Variants in CCDC91 observed in about 807,000 individuals in gnomAD.
CCDC91 encodes the protein coiled-coil domain containing 91, also known as coiled-coil domain-containing protein 91.
Under a neutral mutation model 63.2 loss-of-function variants are expected in CCDC91, and 48 were observed. That is an observed-to-expected ratio of 0.76 (90% confidence interval 0.60 to 0.97). CCDC91 has a LOEUF of 0.97. Ranked by LOEUF, CCDC91 falls within the 50% of genes least tolerant of loss-of-function variation. The pLI is 0.00. For synonymous variants in CCDC91, 167 were observed against 165.8 expected (o/e 1.01, Z -0.06); for missense variants, 500 against 494.6 (o/e 1.01, Z -0.10).
At chr12:28,306,981 C>A (rs1279941882) in intron 5 of CCDC91, 36 bp downstream of exon 5, 2 of 1,310,876 alleles carry the variant, frequency 1.5e-6, no homozygotes, top group Non-Finnish European at 2.2e-6. Context: ...GTTTGAATTG[C>A]AAATATTAGA....
At chr12:28,338,021 G>A (rs1343714300) in intron 6 of CCDC91, among the ~76,000 whole-genome samples, 1 of 152,120 alleles carries the variant, frequency 6.6e-6, no homozygotes, top group African/African-American at 2.4e-5. Flanking sequence ...CTGAACCCAA[G>A]AGACAGAAGT....
At chr12:28,434,604 T>TG (rs1257704962) in intron 8 of CCDC91, among the ~76,000 whole-genome samples, 2 of 131,484 alleles carry the variant, frequency 1.5e-5, no homozygotes, top group African/African-American at 2.6e-5. Flanking sequence ...GTTTTTTTTT[T>TG]TTTTTTTTTT....
At chr12:28,296,133 T>A (rs1446064013) in intron 3 of CCDC91, among the ~76,000 whole-genome samples, 1 of 151,650 alleles carries the variant, frequency 6.6e-6, no homozygotes, top group East Asian at 1.9e-4. Context: ...GAAATTTTTT[T>A]AAATTTTATT....
At chr12:28,445,757 T>G (rs1324619377) in intron 8 of CCDC91, among the ~76,000 whole-genome samples, 1 of 152,184 alleles carries the variant, frequency 6.6e-6, no homozygotes, top group Non-Finnish European at 1.5e-5. Context: ...GTAGGCCTCT[T>G]CTTTTGGCTT....
At chr12:28,241,026 A>G (rs1318062073) in intron 1 of CCDC91, among the ~76,000 whole-genome samples, 4 of 152,170 alleles carry the variant, frequency 2.6e-5, no homozygotes, top group Non-Finnish European at 5.9e-5. Flanking sequence ...TGAAAGAGCC[A>G]CTTTCTCCAC....
intron 6 of CCDC91, 141 bp from the exon 7 acceptor site, chr12:28,362,297 T>TATATATATATATATATATATA (rs1241655538): frequency 4.7e-5 from 23 of 491,374 alleles, no homozygotes; most frequent in Admixed American, 1.1e-4. Context: ...TATATATATG[T>TATATATATATATATATATATA]TTTCTCTTTG....
At chr12:28,436,799 A>G (rs933465702) in intron 8 of CCDC91, among the ~76,000 whole-genome samples, 1 of 151,966 alleles carries the variant, frequency 6.6e-6, no homozygotes, top group Non-Finnish European at 1.5e-5. Context: ...TCAGCATAGA[A>G]ATCTAACATG....
At position 28,504,460 on chromosome 12, in the gene CCDC91, A is replaced by C. The variant is rs535817480; in HGVS notation, c.1215+20295A>C. Among the ~76,000 whole-genome samples the C allele has an allele frequency of 2.0e-5, 3 of 152,100 alleles. No homozygotes were observed. The East Asian group carries it at 5.8e-4, about 30-fold the overall frequency. On this transcript the variant is annotated intron_variant, in intron 12 of 12. Transcript: ENST00000536442. The stretch of plus-strand genomic sequence containing the variant: ...AATGGATCAGAGAACACTTCCCAGC[A>C]TAGTAATTTCTAAGCTAAAATTTTA...
chr12:28,528,431 C>T (rs1009996678), intron 12 of CCDC91, among the ~76,000 whole-genome samples: 6 of 152,178 alleles, frequency 3.9e-5, no homozygotes, highest in Admixed American at 6.6e-5. Context: ...CTGGGGCAGA[C>T]GATCTCCCTT....
At chr12:28,400,209 T>G (rs1241209169) in intron 8 of CCDC91, among the ~76,000 whole-genome samples, 3 of 152,134 alleles carry the variant, frequency 2.0e-5, no homozygotes, top group Non-Finnish European at 4.4e-5. Flanking sequence ...ACCTGCATGC[T>G]CAATACCACA....
At chr12:28,400,093 G>T (rs1361668293) in intron 8 of CCDC91, among the ~76,000 whole-genome samples, 1 of 152,130 alleles carries the variant, frequency 6.6e-6, no homozygotes, top group Non-Finnish European at 1.5e-5. Context: ...TCTCCATCAT[G>T]GGTCCACCCC....
intron 8 of CCDC91, among the ~76,000 whole-genome samples, chr12:28,440,877 G>A (rs1180313717): frequency 2.6e-5 from 4 of 151,500 alleles, no homozygotes; most frequent in East Asian, 2.0e-4. Flanking sequence ...TGGGCAACAC[G>A]GTGAAACCCT....
intron 11 of CCDC91, among the ~76,000 whole-genome samples, chr12:28,475,133 A>G (rs1191933495): frequency 6.6e-6 from 1 of 152,128 alleles, no homozygotes; most frequent in East Asian, 1.9e-4. Flanking sequence ...AACAAATTTT[A>G]AGGAATTAGA....
chr12:28,500,189 G>GTTT (rs568424267), intron 12 of CCDC91, among the ~76,000 whole-genome samples: 2 of 126,214 alleles, frequency 1.6e-5, no homozygotes, highest in African/African-American at 5.1e-5. Context: ...TTTTGATGGG[G>GTTT]TTTTTTTTTT....
chr12:28,393,714 G>C (rs1264647327), intron 8 of CCDC91, among the ~76,000 whole-genome samples: 1 of 152,188 alleles, frequency 6.6e-6, no homozygotes, highest in Non-Finnish European at 1.5e-5. Flanking sequence ...TGTTTCTTAA[G>C]TGGTTGTGCA....
chr12:28,472,385 G>A (rs542893726), intron 11 of CCDC91, among the ~76,000 whole-genome samples: 1 of 152,068 alleles, frequency 6.6e-6, no homozygotes, highest in Non-Finnish European at 1.5e-5. Flanking sequence ...AAGGCTTTAT[G>A]GGCTAAGAGG....
intron 2 of CCDC91, among the ~76,000 whole-genome samples, chr12:28,258,420 GTGGATAGTGTTC>G (rs1366114494): frequency 6.6e-6 from 1 of 151,990 alleles, no homozygotes; most frequent in African/African-American, 2.4e-5. Flanking sequence ...AAAAAATACA[GTGGATAGTGTTC>G]TGTAGAATAA....
chr12:28,398,528 T>A (rs1453932464), intron 8 of CCDC91, among the ~76,000 whole-genome samples: 1 of 152,174 alleles, frequency 6.6e-6, no homozygotes, highest in South Asian at 2.1e-4. Flanking sequence ...TTTGTAAATA[T>A]CTAGGTAAGG....
rs1952424056 is a variant in CCDC91 at position 28,498,353 on chromosome 12, A to G, written c.1215+14188A>G. On this transcript the variant is annotated intron_variant, in intron 12 of 12. Coordinates refer to ENST00000536442, the MANE Select transcript of CCDC91 (RefSeq NM_018318.5). ...TGATGGGCACAGAAAACTGTGAACA[A>G]GGCATGTTCTTCTCATGTCAAGAGC... Among the ~76,000 whole-genome samples the G allele has an allele frequency of 3.3e-5, 5 of 151,626 alleles. No individual in the cohort carries two copies. In the Admixed American group the frequency reaches 3.3e-4, roughly 10 times the overall value.
Sources: gnomAD v4.1 joint callset for allele counts (sites outside exome capture counted in the v4.1 genomes callset) on GRCh38, gnomAD v4.1.1 for gene constraint, MANE v1.5 for transcripts, NCBI Gene and HGNC (gene_info 2026-07-23, HGNC 2026-07-21) for gene names.